BRAF: variants seen among roughly 807,000 people sequenced by gnomAD.
The protein encoded by BRAF is B-Raf proto-oncogene, serine/threonine kinase, also known as serine/threonine-protein kinase B-raf.
In BRAF, 16 loss-of-function variants were observed where a neutral mutation model predicts 104.6. The ratio of observed to expected loss-of-function variants is 0.15; its 90% CI spans 0.10 to 0.23. BRAF has a LOEUF of 0.23. Ranked by LOEUF, BRAF falls within the 10% of genes least tolerant of loss-of-function variation. The pLI is 1.00. For synonymous variants in BRAF, 310 were observed against 341.6 expected (o/e 0.91, Z 1.02); for missense variants, 541 against 937.3 (o/e 0.58, Z 5.52).
chr7:140,808,079 C>A lies in BRAF; in HGVS notation c.609-17G>T. On this transcript the variant is annotated splice_polypyrimidine_tract_variant and intron_variant, in intron 4 of 19. Transcript: ENST00000644969. ...TTCTTCTCTCTGAAAAATGTAGACA[C>A]AAGCCTTTCTTGGTTATTACACCTA... 2 of 1,580,380 alleles carry A rather than the reference C, an allele frequency of 1.3e-6. No individual in the cohort carries two copies. The highest frequency in any genetic ancestry group is 8.7e-7 in the Non-Finnish European group (1 of 1,149,712).
At chr7:140,915,197 T>C (rs561877071) in intron 1 of BRAF, among the ~76,000 whole-genome samples, 1 of 150,730 alleles carries the variant, frequency 6.6e-6, no homozygotes, top group East Asian at 2.0e-4. Context: ...AGGTAAAAAA[T>C]ACAGTTTAAA....
chr7:140,767,035 G>C (rs1290440016), intron 14 of BRAF, among the ~76,000 whole-genome samples: 1 of 151,872 alleles, frequency 6.6e-6, no homozygotes, highest in Non-Finnish European at 1.5e-5. Flanking sequence ...ACAGAGTCTT[G>C]CTCTGTCACC....
At chr7:140,777,668 A>G (rs1350368907) in intron 13 of BRAF, among the ~76,000 whole-genome samples, 3 of 152,198 alleles carry the variant, frequency 2.0e-5, no homozygotes, top group Admixed American at 1.3e-4. Flanking sequence ...GCCCAGGACT[A>G]AATACCACCT....
At chr7:140,788,752 C>T (rs1043101547) in intron 8 of BRAF, among the ~76,000 whole-genome samples, 2 of 152,002 alleles carry the variant, frequency 1.3e-5, no homozygotes, top group African/African-American at 4.8e-5. Context: ...CCATGCCTGG[C>T]TAATTTTTGT....
chr7:140,845,761 C>A (rs1808477110), intron 2 of BRAF, among the ~76,000 whole-genome samples: 1 of 152,040 alleles, frequency 6.6e-6, no homozygotes, highest in Non-Finnish European at 1.5e-5. Flanking sequence ...TCACTGCAAC[C>A]TCTTCTCCTG....
downstream of BRAF, among the ~76,000 whole-genome samples, chr7:140,718,460 G>C (rs1394329938): frequency 6.6e-6 from 1 of 152,240 alleles, no homozygotes; most frequent in Admixed American, 6.5e-5. Flanking sequence ...ATGTTGGTCA[G>C]GCTGGTCTCG....
chr7:140,766,373 G>A (rs935868032), intron 14 of BRAF, among the ~76,000 whole-genome samples: 1 of 151,856 alleles, frequency 6.6e-6, no homozygotes, highest in Non-Finnish European at 1.5e-5. Context: ...ACACAAGCAT[G>A]GCACATGTAT....
In BRAF at chr7:140,788,147, T is replaced by A. The variant is rs566361547; in HGVS notation, c.1141-563A>T. On this transcript the variant is annotated intron_variant, in intron 8 of 19. Coordinates refer to ENST00000644969, the MANE Select transcript of BRAF (RefSeq NM_001374258.1). Reference sequence around the variant, plus strand: ...CACATGTACCCCTGAACTTTGGAAATAAATAAATTTTTAAAAAATGGCTTC... The same window carrying A: ...CACATGTACCCCTGAACTTTGGAAAAAAATAAATTTTTAAAAAATGGCTTC... Among the ~76,000 whole-genome samples the A allele has an allele frequency of 5.7e-4, 87 of 152,154 alleles. No homozygotes were observed. The highest frequency in any genetic ancestry group is 3.4e-3 in the Middle Eastern group (1 of 294).
At chr7:140,771,280 C>T (rs535023767) in intron 14 of BRAF, among the ~76,000 whole-genome samples, 2 of 152,300 alleles carry the variant, frequency 1.3e-5, no homozygotes, top group Admixed American at 1.3e-4. Flanking sequence ...ACTGCAGCCT[C>T]GACTTCCTGG....
At chr7:140,844,187 T>G (rs184536801) in intron 2 of BRAF, among the ~76,000 whole-genome samples, 1 of 152,040 alleles carries the variant, frequency 6.6e-6, no homozygotes, top group East Asian at 1.9e-4. Flanking sequence ...TTGCTCCATC[T>G]GTAAGGGCGC....
At chr7:140,808,152 G>A in intron 4 of BRAF, 90 bp from the exon 5 acceptor site, 2 of 1,010,828 alleles carry the variant, frequency 2.0e-6, no homozygotes, top group Non-Finnish European at 1.6e-6. Flanking sequence ...TGGTTATCGA[G>A]GGGCTAGTAA....
chr7:140,733,819 T>C (rs1364036989), intron 19 of BRAF: 2 of 195,144 alleles, frequency 1.0e-5, no homozygotes, highest in South Asian at 1.8e-4. Flanking sequence ...AGATTGGGTG[T>C]GAAGGGAGCA....
At chr7:140,727,912 T>C (rs897955375) in intron 19 of BRAF, among the ~76,000 whole-genome samples, 23 of 152,174 alleles carry the variant, frequency 1.5e-4, no homozygotes, top group African/African-American at 3.9e-4. Flanking sequence ...TGAGCCACCA[T>C]GCCCGGCCAG....
intron 7 of BRAF, among the ~76,000 whole-genome samples, chr7:140,798,503 G>A (rs1212233523): frequency 5.3e-5 from 8 of 149,578 alleles, no homozygotes; most frequent in African/African-American, 1.2e-4. Flanking sequence ...CTCGTGATCC[G>A]CCTGCCTCGG....
chr7:140,745,277 C>G (rs113657189), intron 17 of BRAF, among the ~76,000 whole-genome samples: 6 of 151,908 alleles, frequency 3.9e-5, no homozygotes, highest in African/African-American at 1.4e-4. Context: ...CTTTTAGATG[C>G]CAACTTAAAA....
At chr7:140,807,874 C>A in intron 5 of BRAF, 86 bp downstream of exon 5, 1 of 1,043,630 alleles carries the variant, frequency 9.6e-7, no homozygotes, top group Non-Finnish European at 1.4e-6. Context: ...AATTACTCAT[C>A]CATATTTCAC....
At chr7:140,746,326 G>A (rs1797344404) in intron 17 of BRAF, among the ~76,000 whole-genome samples, 1 of 152,110 alleles carries the variant, frequency 6.6e-6, no homozygotes, top group Admixed American at 6.6e-5. Context: ...CTGAAGGAGG[G>A]AAGAACAGGG....
chr7:140,717,290 T>C (rs1239526931), downstream of BRAF, among the ~76,000 whole-genome samples: 2 of 152,138 alleles, frequency 1.3e-5, no homozygotes, highest in African/African-American at 2.4e-5. Context: ...CCAGTTTTTT[T>C]TTTTCTCTGA....
At chr7:140,818,069 T>A (rs887393117) in intron 3 of BRAF, among the ~76,000 whole-genome samples, 1 of 151,894 alleles carries the variant, frequency 6.6e-6, no homozygotes, top group Non-Finnish European at 1.5e-5. Context: ...TGGCTACACA[T>A]ATATATAATA....
Sources: allele counts gnomAD v4.1 joint callset (sites outside exome capture counted in the v4.1 genomes callset), GRCh38; gene constraint gnomAD v4.1.1; transcripts MANE v1.5; gene names NCBI Gene and HGNC (gene_info 2026-07-23, HGNC 2026-07-21).